The following FAM169A variants were observed in gnomAD, a reference collection of about 807,000 sequenced individuals.
FAM169A encodes family with sequence similarity 169 member A.
In FAM169A, 24 loss-of-function variants were observed where a neutral mutation model predicts 75.7. The ratio of observed to expected loss-of-function variants is 0.32; its 90% confidence interval spans 0.23 to 0.45. The LOEUF (loss-of-function observed/expected upper bound fraction) is 0.45. FAM169A is among the 20% of genes least tolerant of loss of function. The pLI is 1.00. For missense variants in FAM169A, 673 were observed against 784.0 expected (o/e 0.86, Z 1.69); for synonymous variants, 271 against 271.0 (o/e 1.00, Z 0.00).
rs115686964 is a variant in FAM169A at position 74,813,701 on chromosome 5, A to T, written c.670+139T>A. 2.6e-3 allele frequency: 1,288 copies of T among 502,998 alleles called. 15 individuals carry two copies. Among genetic ancestry groups the T allele is most frequent in the African/African-American group, 0.023 (1,166 of 50,274 alleles). The allele number at this position is 502,998 out of a possible 1,614,324, so 31.2% of individuals were successfully genotyped here. A position where few individuals can be genotyped will look rare whatever the true frequency, so the allele number is the denominator to read the frequency against. ...CGAGAAAACAAATACATAAGGGCAC[A>T]TTTGCCAAAGTAAGTTCTAGAGAGC... On this transcript the variant is annotated intron_variant, in intron 6 of 12. Coordinates refer to ENST00000687041, the MANE Select transcript of FAM169A (RefSeq NM_001376049.1).
At chr5:74,818,310 A>G (rs953988841) in intron 5 of FAM169A, among the ~76,000 whole-genome samples, 1 of 152,132 alleles carries the variant, frequency 6.6e-6, no homozygotes, top group African/African-American at 2.4e-5. Flanking sequence ...CTCAAAAAGA[A>G]AAAAAAGACA....
intron 12 of FAM169A, 130 bp downstream of exon 12, chr5:74,782,801 G>A: frequency 1.8e-6 from 1 of 551,920 alleles, no homozygotes. Flanking sequence ...ATCAAATCTA[G>A]TATAAAAGTT....
chr5:74,851,364 C>G (rs1749436340), intron 1 of FAM169A, among the ~76,000 whole-genome samples: 1 of 152,136 alleles, frequency 6.6e-6, no homozygotes, highest in South Asian at 2.1e-4. Context: ...TAGTGTTCCA[C>G]CCTGGGGAGC....
intron 6 of FAM169A, among the ~76,000 whole-genome samples, chr5:74,810,300 G>A (rs529492613): frequency 1.3e-5 from 2 of 152,272 alleles, no homozygotes; most frequent in South Asian, 2.1e-4. Flanking sequence ...CTTGCCTGGA[G>A]TGAGAGTTTG....
At position 74,852,820 on chromosome 5, in the gene FAM169A, T is replaced by C. The variant is rs145918544; in HGVS notation, c.-3-11141A>G. 1.8e-3 allele frequency among the ~76,000 whole-genome samples: 269 copies of C among 152,256 alleles called. 3 individuals carry two copies. The highest frequency in any genetic ancestry group is 0.015 in the East Asian group (79 of 5,170). ...ACAAGCAGCAGGCCATTAAGGGACCTTGGGCAGGGAAGAGACATTCAAGGC... is the reference window on the plus strand; with the variant it reads ...ACAAGCAGCAGGCCATTAAGGGACCCTGGGCAGGGAAGAGACATTCAAGGC... On this transcript the variant is annotated intron_variant, in intron 1 of 12. Coordinates refer to ENST00000687041, the MANE Select transcript of FAM169A (RefSeq NM_001376049.1).
chr5:74,797,594 G>A (rs983543334), intron 10 of FAM169A, among the ~76,000 whole-genome samples: 4 of 152,160 alleles, frequency 2.6e-5, no homozygotes, highest in South Asian at 2.1e-4. Flanking sequence ...CAATAGCCAC[G>A]AGACACACTT....
Position 74,838,955 on chromosome 5 carries a change from ATCT to A in FAM169A, c.318+7_318+9del, listed in dbSNP as rs1275509620. 1 of 1,593,906 alleles carries A rather than the reference ATCT, an allele frequency of 6.3e-7. No homozygotes were observed. The highest frequency in any genetic ancestry group is 8.6e-7 in the Non-Finnish European group (1 of 1,161,688). On this transcript the variant is annotated splice_region_variant and intron_variant, in intron 4 of 12. Transcript: ENST00000687041. ...CAAAAGAAACACTCAAAATTAGAGG[ATCT>A]TGTTACCTGCTTAAGCCCCTCTCTT... is the stretch of plus-strand genomic sequence containing the variant.
At chr5:74,842,127 C>T (rs1442664849) in intron 1 of FAM169A, among the ~76,000 whole-genome samples, 1 of 126,754 alleles carries the variant, frequency 7.9e-6, no homozygotes, top group Non-Finnish European at 1.7e-5. Context: ...AAAAAAAAAT[C>T]TAAAAAAAAT....
At chr5:74,844,740 C>A (rs1236582520) in intron 1 of FAM169A, among the ~76,000 whole-genome samples, 2 of 152,104 alleles carry the variant, frequency 1.3e-5, no homozygotes, top group Admixed American at 6.5e-5. Flanking sequence ...TTGCTTGAAC[C>A]CGGGAGGTGG....
At chr5:74,834,371 G>C in intron 5 of FAM169A, 55 bp downstream of exon 5, 6 of 1,054,376 alleles carry the variant, frequency 5.7e-6, no homozygotes, top group Non-Finnish European at 7.8e-6. Flanking sequence ...CAGTTGGAGG[G>C]GTCTAAAATA....
chr5:74,858,701 T>C (rs1749880085), intron 1 of FAM169A, among the ~76,000 whole-genome samples: 2 of 152,126 alleles, frequency 1.3e-5, no homozygotes, highest in African/African-American at 2.4e-5. Context: ...TTCGCCCATT[T>C]AACAAATCTG....
At position 74,804,816 on chromosome 5, in the gene FAM169A, T is replaced by C. The variant is rs191251259; in HGVS notation, c.800-211A>G. Among the ~76,000 whole-genome samples the C allele has an allele frequency of 3.3e-5, 5 of 152,310 alleles. No homozygotes were observed. In the East Asian group the frequency reaches 9.6e-4, roughly 29 times the overall value. ...TAGTTATTTTAAGTATTTAGTAGCT[T>C]TGGGGAGAAGTGCATGAGATTAAGG... is the stretch of plus-strand genomic sequence containing the variant. On this transcript the variant is annotated intron_variant, in intron 7 of 12. Transcript: ENST00000687041.
At chr5:74,809,345 A>G (rs1173288985) in intron 6 of FAM169A, among the ~76,000 whole-genome samples, 4 of 152,344 alleles carry the variant, frequency 2.6e-5, no homozygotes, top group Non-Finnish European at 5.9e-5. Context: ...CTGTAATCTC[A>G]GCACTTTGGG....
chr5:74,834,336 G>A (rs904606849), intron 5 of FAM169A, 90 bp downstream of exon 5: 8 of 706,740 alleles, frequency 1.1e-5, no homozygotes, highest in South Asian at 5.6e-5. Flanking sequence ...GCATGCTAGA[G>A]ATTAATTTAA....
At chr5:74,815,006 A>AT in intron 5 of FAM169A, among the ~76,000 whole-genome samples, 1 of 152,332 alleles carries the variant, frequency 6.6e-6, no homozygotes, top group African/African-American at 2.4e-5. Context: ...CTTACCAATC[A>AT]TATCATTTAA....
intron 6 of FAM169A, 122 bp from the exon 7 acceptor site, chr5:74,805,406 C>G (rs1279512226): frequency 1.5e-6 from 1 of 682,194 alleles, no homozygotes; most frequent in Admixed American, 3.1e-5. Flanking sequence ...TACCAAAACA[C>G]CAGCAACACA....
intron 1 of FAM169A, among the ~76,000 whole-genome samples, chr5:74,855,772 A>T (rs1164201803): frequency 1.3e-5 from 2 of 152,216 alleles, no homozygotes; most frequent in Admixed American, 6.5e-5. Flanking sequence ...GCTATGCAGA[A>T]GCTTTTTAAC....
At chr5:74,823,238 C>T (rs916978185) in intron 5 of FAM169A, among the ~76,000 whole-genome samples, 19 of 152,160 alleles carry the variant, frequency 1.2e-4, no homozygotes, top group Non-Finnish European at 2.9e-5. Flanking sequence ...TTGTTAGTCC[C>T]ACCACCTTAT....
intron 5 of FAM169A, among the ~76,000 whole-genome samples, chr5:74,814,328 T>C (rs1265132935): frequency 4.6e-5 from 7 of 152,140 alleles, no homozygotes; most frequent in Non-Finnish European, 7.4e-5. Context: ...TCACTGTCTA[T>C]AGACTCATGC....
Sources: allele counts gnomAD v4.1 joint callset (sites outside exome capture counted in the v4.1 genomes callset), GRCh38; gene constraint gnomAD v4.1.1; transcripts MANE v1.5; gene names NCBI Gene and HGNC (gene_info 2026-07-23, HGNC 2026-07-21).